Variants in HEPACAM2 observed in about 807,000 individuals in gnomAD.
HEPACAM2 encodes the protein mitotic kinetics regulator.
Under a neutral mutation model 49.6 loss-of-function variants are expected in HEPACAM2, and 49 were observed. The ratio of observed to expected loss-of-function variants is 0.99; its 90% confidence interval spans 0.78 to 1.25. HEPACAM2 has a LOEUF of 1.25. Among genes scored for constraint, HEPACAM2 ranks in the 50% most tolerant of loss-of-function variants. The pLI is 0.00. For missense variants in HEPACAM2, 525 were observed against 557.2 expected (o/e 0.94, Z 0.58); for synonymous variants, 197 against 202.9 (o/e 0.97, Z 0.25).
At chr7:93,214,296 G>GT (rs1438293711) in intron 3 of HEPACAM2, among the ~76,000 whole-genome samples, 1 of 152,088 alleles carries the variant, frequency 6.6e-6, no homozygotes, top group African/African-American at 2.4e-5. Flanking sequence ...GCATTTGAAA[G>GT]TAAAAATAGT....
chr7:93,200,957 A>C (rs1197540725), intron 4 of HEPACAM2, among the ~76,000 whole-genome samples: 1 of 151,970 alleles, frequency 6.6e-6, no homozygotes, highest in Non-Finnish European at 1.5e-5. Context: ...ACCCACACTA[A>C]CTCAGACAGT....
rs1475971273 is a variant in HEPACAM2, at chr7:93,195,857, C to G, written c.1246G>C (p.Ala416Pro). ...GAAACACCAGAAACATCTGGAAAAG[C>G]AACAAATTCATATATTCCGAAGTCA... Reference protein sequence around the residue: ...LDDFGIYEFVAFPDVSGVSRI... With the variant: ...LDDFGIYEFVPFPDVSGVSRI... The change falls in exon 8 of 10, where the codon GCT (alanine) becomes CCT (proline). Residue 416 changes from alanine (A) to proline (P), a missense_variant. Transcript: ENST00000394468. The G allele has an allele frequency of 6.2e-7, 1 of 1,613,058 alleles. No individual in the cohort carries two copies. The highest frequency in any genetic ancestry group is 2.2e-5 in the East Asian group (1 of 44,804).
At chr7:93,210,561 C>T (rs1400892088) in intron 3 of HEPACAM2, among the ~76,000 whole-genome samples, 1 of 151,714 alleles carries the variant, frequency 6.6e-6, no homozygotes, top group African/African-American at 2.4e-5. Flanking sequence ...CTGTAATCAT[C>T]CAATCAAGTA....
At position 93,222,921 on chromosome 7, in the gene HEPACAM2, A is replaced by G. The variant is rs979782597; in HGVS notation, c.79+3447T>C. ...TTTTGGTTCATATATTAAGTTGTCA[A>G]TCCTTGGATATCCTTTAATAAAACA... On this transcript the variant is annotated intron_variant, in intron 1 of 9. Transcript: ENST00000394468. Among the ~76,000 whole-genome samples, 14 of 152,340 alleles carry G rather than the reference A, an allele frequency of 9.2e-5. 1 individual carries two copies. The highest frequency in any genetic ancestry group is 3.4e-4 in the African/African-American group (14 of 41,592).
At chr7:93,190,651 A>G (rs1189809618) in intron 9 of HEPACAM2, among the ~76,000 whole-genome samples, 1 of 152,080 alleles carries the variant, frequency 6.6e-6, no homozygotes, top group African/African-American at 2.4e-5. Flanking sequence ...GAATGCCTGA[A>G]AAAGAACATT....
At chr7:93,190,770 G>GTT (rs141181458) in intron 9 of HEPACAM2, among the ~76,000 whole-genome samples, 1 of 147,144 alleles carries the variant, frequency 6.8e-6, no homozygotes, top group Non-Finnish European at 1.5e-5. Context: ...TTCAAAGGGT[G>GTT]TTTTTTTTTT....
chr7:93,215,500 T>C lies in HEPACAM2; in HGVS notation c.616A>G (p.Ile206Val), dbSNP rs140071737. Residue 206 changes from isoleucine to valine, a missense_variant, in exon 3 of 10, where the codon ATT becomes GTT. Ile to Val is a conservative substitution (Grantham distance 29, BLOSUM62 3). Coordinates refer to ENST00000394468, the MANE Select transcript of HEPACAM2 (RefSeq NM_001039372.4). The stretch of plus-strand genomic sequence containing the variant: ...ATGTCTTCCTTGGTTACTGGAGCAA[T>C]ATGAAGGGTATTGTTTTGGGGAGAA... ...SFSPQNNTLH[I>V]APVTKEDIGN... is the part of the protein sequence containing the mutation. 5 of 1,613,736 alleles carry C rather than the reference T, an allele frequency of 3.1e-6. No homozygotes were observed. The highest frequency in any genetic ancestry group is 4.2e-6 in the Non-Finnish European group (5 of 1,179,868).
chr7:93,194,843 A>G (rs914994921), intron 8 of HEPACAM2, among the ~76,000 whole-genome samples: 1 of 151,618 alleles, frequency 6.6e-6, no homozygotes, highest in Non-Finnish European at 1.5e-5. Flanking sequence ...ATACAAATCT[A>G]TAAAAATGTT....
intron 4 of HEPACAM2, among the ~76,000 whole-genome samples, chr7:93,200,339 C>T (rs186366464): frequency 1.1e-4 from 16 of 152,150 alleles, no homozygotes; most frequent in Non-Finnish European, 1.6e-4. Context: ...CCTCACTTAA[C>T]ATCAGCTGAT....
At chr7:93,221,130 G>GT (rs1794441372) in intron 1 of HEPACAM2, among the ~76,000 whole-genome samples, 1 of 152,086 alleles carries the variant, frequency 6.6e-6, no homozygotes, top group African/African-American at 2.4e-5. Context: ...AATAAAGAGA[G>GT]TTTTTTGCTA....
rs552785155 is a variant in HEPACAM2 at position 93,223,496 on chromosome 7, C to T, written c.79+2872G>A. Among the ~76,000 whole-genome samples the T allele has an allele frequency of 4.6e-5, 7 of 151,994 alleles. No homozygotes were observed. The East Asian group carries it at 7.7e-4, about 17-fold the overall frequency. ...TAGTAGAAAAAGATATTTAATATAG[C>T]GTTTGTGATCATTATTTAGGGGAAA... On this transcript the variant is annotated intron_variant, in intron 1 of 9. Coordinates refer to ENST00000394468, the MANE Select transcript of HEPACAM2 (RefSeq NM_001039372.4).
At chr7:93,213,109 T>G (rs973513355) in intron 3 of HEPACAM2, among the ~76,000 whole-genome samples, 1 of 151,932 alleles carries the variant, frequency 6.6e-6, no homozygotes, top group African/African-American at 2.4e-5. Flanking sequence ...GAGCAGATGG[T>G]AAGTATTTAC....
At position 93,192,283 on chromosome 7, in the gene HEPACAM2, G is replaced by A. The variant is rs781235876; in HGVS notation, c.1356C>T (p.His452=). The A allele has an allele frequency of 1.2e-6, 2 of 1,612,644 alleles. No individual in the cohort carries two copies. Among genetic ancestry groups the A allele is most frequent in the Non-Finnish European group, 1.7e-6 (2 of 1,179,030 alleles). Residue 452 remains histidine, a synonymous_variant, in exon 9 of 10, where the codon CAC becomes CAT. Transcript: ENST00000394468. ...LHSTVYEVIQ[H]IPAQQQDHPE ...GATGGTCTTGCTGCTGGGCAGGGAT[G>A]TGCTGAATAACTTCATACACTGTAC...
Position 93,195,965 on chromosome 7 carries a change from C to T in HEPACAM2, c.1202-64G>A. The T allele has an allele frequency of 2.7e-6, 3 of 1,093,196 alleles. No individual in the cohort carries two copies. The Admixed American group carries it at 5.5e-5, about 20-fold the overall frequency. 67.7% of individuals were successfully genotyped at this position (1,093,196 alleles called of 1,614,324 possible). A position where few individuals can be genotyped will look rare whatever the true frequency, so the allele number is the denominator to read the frequency against. ...CTTGATTTGCTGTTGTTTTTTAAAC[C>T]TTTGTAAAACTTATCTTTATTGTCT... On this transcript the variant is annotated intron_variant, in intron 7 of 9. Transcript: ENST00000394468.
chr7:93,230,443 C>G (rs1394086532), upstream of HEPACAM2, among the ~76,000 whole-genome samples: 1 of 152,152 alleles, frequency 6.6e-6, no homozygotes, highest in Non-Finnish European at 1.5e-5. Context: ...CAGCACACAC[C>G]TCAGGTGAAT....
At chr7:93,199,660 G>A (rs551058050) in intron 4 of HEPACAM2, among the ~76,000 whole-genome samples, 4 of 152,040 alleles carry the variant, frequency 2.6e-5, no homozygotes, top group Non-Finnish European at 5.9e-5. Context: ...TTTACATGAA[G>A]TTATGTAAAT....
intron 3 of HEPACAM2, among the ~76,000 whole-genome samples, chr7:93,209,537 C>T (rs1035950085): frequency 9.9e-5 from 15 of 151,734 alleles, no homozygotes; most frequent in African/African-American, 3.4e-4. Context: ...GAACTTATTC[C>T]TCATATCTAG....
At chr7:93,229,843 A>G (rs1794593958), upstream of HEPACAM2, among the ~76,000 whole-genome samples, 1 of 152,226 alleles carries the variant, frequency 6.6e-6, no homozygotes, top group African/African-American at 2.4e-5. Context: ...GTTTGTTAGG[A>G]TGCCAAGTTT....
intron 9 of HEPACAM2, among the ~76,000 whole-genome samples, chr7:93,190,906 C>A (rs1000279350): frequency 6.6e-6 from 1 of 151,438 alleles, no homozygotes; most frequent in Non-Finnish European, 1.5e-5. Flanking sequence ...AAAGATAAAC[C>A]CCAAGTTGTC....
Sources: allele counts gnomAD v4.1 joint callset (sites outside exome capture counted in the v4.1 genomes callset), GRCh38; gene constraint gnomAD v4.1.1; transcripts MANE v1.5; gene names NCBI Gene and HGNC (gene_info 2026-07-23, HGNC 2026-07-21).